FAAH2: variants seen among roughly 807,000 people sequenced by gnomAD.
FAAH2 encodes fatty-acid amide hydrolase 2.
FAAH2 carries 60 observed loss-of-function variants against 36.9 expected under a neutral mutation model. The observed-to-expected ratio is 1.63, with a 90% CI of 1.32 to 2.02. The LOEUF is 2.02. Ranked by LOEUF, FAAH2 falls within the 30% of genes most tolerant of loss-of-function variation. FAAH2 has a pLI of 0.00. For missense variants in FAAH2, 689 were observed against 397.5 expected (o/e 1.73, Z -6.23); for synonymous variants, 214 against 143.8 (o/e 1.49, Z -3.49).
chrX:57,271,569 A>G, the FAAH2 span, among the ~76,000 whole-genome samples: 2 of 112,348 alleles, frequency 1.8e-5, no homozygotes, highest in African/African-American at 6.5e-5. Flanking sequence ...AGAGGAAAGA[A>G]CAGACAGCAA....
chrX:57,479,981 C>T (rs1329983982), intron 10 of FAAH2, among the ~76,000 whole-genome samples: 1 of 111,885 alleles, frequency 8.9e-6, no homozygotes, highest in African/African-American at 3.3e-5. Context: ...ATACTACAAA[C>T]ACCGCTATGC....
intron 7 of FAAH2, among the ~76,000 whole-genome samples, chrX:57,424,286 G>T (rs977378227): frequency 8.9e-6 from 1 of 112,087 alleles, no homozygotes. Context: ...CTGGGGCTGA[G>T]CATAGAACCC....
chrX:57,245,056 C>CA, the FAAH2 span, among the ~76,000 whole-genome samples: 231 of 106,776 alleles, frequency 2.2e-3, 4 homozygotes, highest in East Asian at 0.034. Context: ...AAATGGAAAA[C>CA]AAAAAAAAAG....
chrX:57,303,051 T>G lies in FAAH2; in HGVS notation c.276-7542T>G, dbSNP rs11795674. On this transcript the variant is annotated intron_variant, in intron 2 of 10. Coordinates refer to ENST00000374900, the MANE Select transcript of FAAH2 (RefSeq NM_174912.4). ...GTGCTGATTGTATGTGGCTGAAGTT[T>G]GGGCAATGCTAATGAAGGGGATTTC... 4.5e-3 allele frequency among the ~76,000 whole-genome samples: 497 copies of G among 111,084 alleles called. 21 individuals carry two copies. In the South Asian group the frequency reaches 0.18, roughly 41 times the overall value.
At chrX:57,308,825 C>T (rs1461565506) in intron 2 of FAAH2, among the ~76,000 whole-genome samples, 1 of 111,321 alleles carries the variant, frequency 9.0e-6, no homozygotes, top group Non-Finnish European at 1.9e-5. Context: ...TCACTACCAC[C>T]ATGTTAGATA....
At chrX:57,393,466 G>C (rs190571612) in intron 7 of FAAH2, 1 of 924,399 alleles carries the variant, frequency 1.1e-6, no homozygotes, top group East Asian at 3.1e-5. Flanking sequence ...ACCCTTCTGG[G>C]CCAACAAGCT....
chrX:57,411,551 A>G (rs1468020071), intron 7 of FAAH2, among the ~76,000 whole-genome samples: 3 of 111,105 alleles, frequency 2.7e-5, no homozygotes, highest in Non-Finnish European at 5.7e-5. Flanking sequence ...ATTATTGTGT[A>G]TTGCATGCTG....
At chrX:57,278,232 C>T in the FAAH2 span, among the ~76,000 whole-genome samples, 1 of 111,225 alleles carries the variant, frequency 9.0e-6, no homozygotes, top group Non-Finnish European at 1.9e-5. Context: ...GATATATGGA[C>T]CAATGGAACA....
chrX:57,245,000 A>T, the FAAH2 span, among the ~76,000 whole-genome samples: 1 of 111,800 alleles, frequency 8.9e-6, no homozygotes, highest in East Asian at 2.8e-4. Context: ...ACATGCAAAG[A>T]AACACATAGG....
the FAAH2 span, among the ~76,000 whole-genome samples, chrX:57,234,123 G>T: frequency 8.9e-6 from 1 of 112,566 alleles, no homozygotes; most frequent in South Asian, 3.6e-4. Flanking sequence ...ATTCAACTGG[G>T]CATCTTTTTT....
At chrX:57,413,813 T>C (rs1032483132) in intron 7 of FAAH2, among the ~76,000 whole-genome samples, 1 of 112,257 alleles carries the variant, frequency 8.9e-6, no homozygotes, top group Non-Finnish European at 1.9e-5. Context: ...TATGGCCATT[T>C]TCATGATATT....
At chrX:57,439,258 C>A (rs1290465544) in intron 8 of FAAH2, among the ~76,000 whole-genome samples, 3 of 110,146 alleles carry the variant, frequency 2.7e-5, no homozygotes, top group Non-Finnish European at 5.7e-5. Flanking sequence ...TCCTCTCCAG[C>A]ACCTGTTGTT....
the FAAH2 span, among the ~76,000 whole-genome samples, chrX:57,243,367 G>A: frequency 8.9e-6 from 1 of 112,399 alleles, no homozygotes; most frequent in African/African-American, 3.2e-5. Context: ...GAAGAGAGCA[G>A]CACATCTCCC....
intron 10 of FAAH2, among the ~76,000 whole-genome samples, chrX:57,479,322 T>G (rs1239228705): frequency 1.8e-5 from 2 of 112,004 alleles, no homozygotes; most frequent in Admixed American, 9.5e-5. Flanking sequence ...TGCTTGTGAT[T>G]TTTGTACGTT....
the FAAH2 span, among the ~76,000 whole-genome samples, chrX:57,205,748 T>C: frequency 8.9e-6 from 1 of 112,417 alleles, no homozygotes; most frequent in African/African-American, 3.2e-5. Context: ...AATTAGTTAA[T>C]TTCAAAAATT....
intron 10 of FAAH2, among the ~76,000 whole-genome samples, chrX:57,480,403 C>T (rs760410536): frequency 4.5e-5 from 5 of 111,834 alleles, no homozygotes; most frequent in African/African-American, 1.6e-4. Context: ...ACGTCGAAAA[C>T]CTTCAGGTGC....
At chrX:57,401,337 A>G (rs1167322287) in intron 7 of FAAH2, among the ~76,000 whole-genome samples, 1 of 111,066 alleles carries the variant, frequency 9.0e-6, no homozygotes. Context: ...GAGTTGAGAC[A>G]TTGGGTTTGA....
chrX:57,462,544 C>T (rs974178040), intron 10 of FAAH2, among the ~76,000 whole-genome samples: 1 of 111,981 alleles, frequency 8.9e-6, no homozygotes, highest in Non-Finnish European at 1.9e-5. Context: ...ATAAAGAGAA[C>T]CAGTGATAAA....
At chrX:57,393,944 C>A in intron 7 of FAAH2, 1 of 887,391 alleles carries the variant, frequency 1.1e-6, no homozygotes, top group Non-Finnish European at 1.7e-6. Flanking sequence ...CTTGTCAATG[C>A]CTAGTCTGTT....
Sources: allele counts gnomAD v4.1 joint callset (sites outside exome capture counted in the v4.1 genomes callset), GRCh38; gene constraint gnomAD v4.1.1; transcripts MANE v1.5; gene names NCBI Gene and HGNC (gene_info 2026-07-23, HGNC 2026-07-21).